Variants in TANC1 observed in about 807,000 individuals in gnomAD.
TANC1 encodes protein TANC1.
A neutral mutation model predicts 149.7 loss-of-function variants in TANC1; 77 were observed. The observed-to-expected ratio is 0.51, with a 90% CI of 0.43 to 0.62. TANC1 has a LOEUF of 0.62. Ranked by LOEUF, TANC1 falls within the 20% of genes least tolerant of loss-of-function variation. The pLI is 0.00. For missense variants in TANC1, 1,985 were observed against 2,321.8 expected (o/e 0.85, Z 2.98); for synonymous variants, 854 against 925.0 (o/e 0.92, Z 1.39).
chr2:159,092,874 T>C (rs536595414), intron 3 of TANC1, among the ~76,000 whole-genome samples: 2 of 152,332 alleles, frequency 1.3e-5, no homozygotes, highest in Non-Finnish European at 2.9e-5. Flanking sequence ...CTCTATCTTT[T>C]TCCCCAAATT....
At chr2:159,097,277 T>C (rs2046238860) in intron 3 of TANC1, among the ~76,000 whole-genome samples, 1 of 152,224 alleles carries the variant, frequency 6.6e-6, no homozygotes, top group South Asian at 2.1e-4. Context: ...CTGATACTCA[T>C]GTAAGGCTAG....
At chr2:159,132,691 G>C (rs1341185973) in intron 4 of TANC1, among the ~76,000 whole-genome samples, 1 of 144,768 alleles carries the variant, frequency 6.9e-6, no homozygotes, top group African/African-American at 2.6e-5. Context: ...TAGAGATGGG[G>C]TTTCACTATG....
intron 4 of TANC1, among the ~76,000 whole-genome samples, chr2:159,133,956 A>G (rs181053526): frequency 6.6e-6 from 1 of 152,358 alleles, no homozygotes; most frequent in East Asian, 1.9e-4. Flanking sequence ...TTATAGTAGT[A>G]TAAATGCTTT....
rs756835094 is a variant in TANC1, at chr2:159,149,250, T to C, written c.473T>C (p.Ile158Thr). 3 of 1,614,126 alleles carry C rather than the reference T, an allele frequency of 1.9e-6. No homozygotes were observed. The highest frequency in any genetic ancestry group is 2.5e-6 in the Non-Finnish European group (3 of 1,180,026). ...ATCCCAAGTGCCACACACATAACCA[T>C]TGAAGACAAAAATGAAACCATGGTA... ...EGIPSATHIT[I>T]EDKNETMCTA... The change falls in exon 6 of 27, where the codon ATT (isoleucine) becomes ACT (threonine). Residue 158 changes from isoleucine (I) to threonine (T), a missense_variant. Physicochemically the swap from Ile to Thr is moderately conservative, Grantham distance 89. Transcript: ENST00000263635.
At chr2:159,133,269 T>G (rs2050290684) in intron 4 of TANC1, among the ~76,000 whole-genome samples, 1 of 151,892 alleles carries the variant, frequency 6.6e-6, no homozygotes, top group Non-Finnish European at 1.5e-5. Context: ...GGAAAATATG[T>G]CAGCAGTTCA....
chr2:158,993,699 G>T (rs1018423344), intron 1 of TANC1, among the ~76,000 whole-genome samples: 2 of 152,080 alleles, frequency 1.3e-5, no homozygotes, highest in African/African-American at 2.4e-5. Context: ...CTCAAGAGAA[G>T]ACATTACCTT....
intron 19 of TANC1, among the ~76,000 whole-genome samples, chr2:159,216,534 C>T (rs555706207): frequency 1.3e-5 from 2 of 152,110 alleles, no homozygotes; most frequent in Non-Finnish European, 2.9e-5. Flanking sequence ...ATGATTCTTG[C>T]GATGAGCAGA....
Position 159,104,552 on chromosome 2 carries a change from G to T in TANC1, c.259+6718G>T. On this transcript the variant is annotated intron_variant, in intron 4 of 26. Coordinates refer to ENST00000263635, the MANE Select transcript of TANC1 (RefSeq NM_033394.3). ...CTTTTTCATGAGGACAAATATATGT[G>T]TATATATTTGTTTTGAGACAAGGTC... Among the ~76,000 whole-genome samples, 2 of 92,614 alleles carry T rather than the reference G, an allele frequency of 2.2e-5. 1 individual carries two copies. Among genetic ancestry groups the T allele is most frequent in the Non-Finnish European group, 6.0e-5 (2 of 33,458 alleles). The allele number at this position is 92,614 out of a possible 152,430, so 60.8% of individuals were successfully genotyped here. A position where few individuals can be genotyped will look rare whatever the true frequency, so the allele number is the denominator to read the frequency against.
rs535212743 is a variant in TANC1 at position 159,045,097 on chromosome 2, T to G, written c.-15-20799T>G. On this transcript the variant is annotated intron_variant, in intron 2 of 26. Coordinates refer to ENST00000263635, the MANE Select transcript of TANC1 (RefSeq NM_033394.3). Reference sequence around the variant, plus strand: ...GAACTAGAATTAGGGGGAGGAGGAGTCCCTGCTGTGTTGTTGTTGTTGTTT... The same window carrying G: ...GAACTAGAATTAGGGGGAGGAGGAGGCCCTGCTGTGTTGTTGTTGTTGTTT... Among the ~76,000 whole-genome samples the G allele has an allele frequency of 4.0e-5, 6 of 151,588 alleles. No homozygotes were observed. The South Asian group carries it at 1.3e-3, about 32-fold the overall frequency.
chr2:159,140,365 A>C (rs540797905), intron 5 of TANC1, among the ~76,000 whole-genome samples: 14 of 152,284 alleles, frequency 9.2e-5, no homozygotes, highest in African/African-American at 3.4e-4. Flanking sequence ...ACATTCAACC[A>C]ATGGTTGAAT....
chr2:159,051,103 A>C (rs190351381), intron 2 of TANC1, among the ~76,000 whole-genome samples: 35 of 152,342 alleles, frequency 2.3e-4, no homozygotes, highest in African/African-American at 8.2e-4. Context: ...ACAATTTTAC[A>C]TCCACCGTCT....
At chr2:159,138,231 T>C (rs1381031647) in intron 5 of TANC1, among the ~76,000 whole-genome samples, 1 of 152,182 alleles carries the variant, frequency 6.6e-6, no homozygotes, top group African/African-American at 2.4e-5. Flanking sequence ...CGGTTTCGCC[T>C]GAAATTAAGA....
intron 26 of TANC1, 137 bp downstream of exon 26, chr2:159,229,033 C>T: frequency 1.6e-6 from 1 of 644,626 alleles, no homozygotes. Context: ...ATTAGTATTA[C>T]TACCTGCTTC....
At chr2:158,998,943 G>A (rs2036388272) in intron 1 of TANC1, among the ~76,000 whole-genome samples, 1 of 152,184 alleles carries the variant, frequency 6.6e-6, no homozygotes, top group African/African-American at 2.4e-5. Context: ...TCATCAATCA[G>A]GAGAGTGCAA....
chr2:159,197,387 A>G (rs2057934077), intron 18 of TANC1, among the ~76,000 whole-genome samples: 1 of 152,176 alleles, frequency 6.6e-6, no homozygotes, highest in African/African-American at 2.4e-5. Context: ...TTATCTGTGA[A>G]TTTAATAATG....
intron 26 of TANC1, among the ~76,000 whole-genome samples, chr2:159,229,309 G>A (rs1443479016): frequency 1.3e-5 from 2 of 152,006 alleles, no homozygotes; most frequent in Non-Finnish European, 2.9e-5. Flanking sequence ...AGATTCTGGC[G>A]CCCACTGATT....
At chr2:159,067,516 C>G (rs1435489366) in intron 3 of TANC1, among the ~76,000 whole-genome samples, 1 of 152,212 alleles carries the variant, frequency 6.6e-6, no homozygotes, top group Non-Finnish European at 1.5e-5. Flanking sequence ...GGGGGACATT[C>G]ACCCTCTGCT....
chr2:159,231,074 A>T lies in TANC1; in HGVS notation c.*62A>T, dbSNP rs913670343. ...TGTGTTGACTCCTGGTGGTAAATTA[A>T]ATAGTTTTTTTCATCAGAAAAATTA... On this transcript the variant is annotated 3_prime_UTR_variant, in exon 27 of 27. Coordinates refer to ENST00000263635, the MANE Select transcript of TANC1 (RefSeq NM_033394.3). 6 of 1,340,592 alleles carry T rather than the reference A, an allele frequency of 4.5e-6. No individual in the cohort carries two copies. The African/African-American group carries it at 7.3e-5, about 16-fold the overall frequency. The allele number at this position is 1,340,592 out of a possible 1,614,324, so 83.0% of individuals were successfully genotyped here.
intron 4 of TANC1, among the ~76,000 whole-genome samples, chr2:159,104,138 A>G (rs1311048245): frequency 2.1e-5 from 2 of 96,152 alleles, no homozygotes; most frequent in East Asian, 4.6e-4. Context: ...ATAGGAGAGC[A>G]TTCTTTGTTT....
Sources: allele counts gnomAD v4.1 joint callset (sites outside exome capture counted in the v4.1 genomes callset), GRCh38; gene constraint gnomAD v4.1.1; transcripts MANE v1.5; gene names NCBI Gene and HGNC (gene_info 2026-07-23, HGNC 2026-07-21).